Variants in TLE2 observed in about 807,000 individuals in gnomAD.
TLE2 encodes TLE family member 2, transcriptional corepressor.
TLE2 carries 74 observed loss-of-function variants against 97.2 expected under a neutral mutation model. The ratio of observed to expected loss-of-function variants is 0.76; its 90% CI spans 0.63 to 0.92. The LOEUF (loss-of-function observed/expected upper bound fraction) is 0.92. Among genes scored for constraint, TLE2 ranks in the 40% least tolerant of loss-of-function variants. The pLI, the probability that TLE2 is intolerant of heterozygous loss-of-function variation, is 0.00. For synonymous variants in TLE2, 499 were observed against 432.1 expected (o/e 1.15, Z -1.92); for missense variants, 1,038 against 1,008.7 (o/e 1.03, Z -0.39).
rs539018650 is a variant in TLE2, at chr19:3,019,681, G to A, written c.369+18C>T. The stretch of plus-strand genomic sequence containing the variant: ...GTGGGCGTCTCCCCATGGCGGGGCA[G>A]GGGCTAGAGAGACTCACCCCGATGA... On this transcript the variant is annotated intron_variant, in intron 6 of 19. Coordinates refer to ENST00000262953, the MANE Select transcript of TLE2 (RefSeq NM_003260.5). This position sits in a 1 kb window ranked among gnomAD's most constrained non-coding sequence, Gnocchi z 5.1. 1.2e-6 allele frequency: 2 copies of A among 1,602,416 alleles called. No individual in the cohort carries two copies. Among genetic ancestry groups the A allele is most frequent in the African/African-American group, 2.7e-5 (2 of 74,718 alleles).
rs756126846 is a variant in TLE2, at chr19:3,013,837, C to T, written c.724-19G>A. ...GTTGGTCCTGGGTTTGAGGAGGTGA[C>T]GTTGAGCAGAGTTGAAATGAGAGGG... On this transcript the variant is annotated intron_variant, in intron 10 of 19. Coordinates refer to ENST00000262953, the MANE Select transcript of TLE2 (RefSeq NM_003260.5). 1.3e-5 allele frequency: 20 copies of T among 1,502,606 alleles called. No homozygotes were observed. The highest frequency in any genetic ancestry group is 4.4e-5 in the African/African-American group (3 of 68,920). 93.1% of individuals were successfully genotyped at this position (1,502,606 alleles called of 1,614,324 possible). A position where few individuals can be genotyped will look rare whatever the true frequency, so the allele number is the denominator to read the frequency against.
chr19:3,018,897 C>A (rs111708926), intron 7 of TLE2, among the ~76,000 whole-genome samples: 1 of 152,116 alleles, frequency 6.6e-6, no homozygotes, highest in Non-Finnish European at 1.5e-5. Flanking sequence ...GGATTACAGG[C>A]ATAAGCCACC....
intron 2 of TLE2, 39 bp from the exon 3 acceptor site, chr19:3,028,421 C>G: frequency 6.4e-7 from 1 of 1,556,148 alleles, no homozygotes; most frequent in Non-Finnish European, 8.7e-7. Flanking sequence ...CCCACCCGCC[C>G]CATGTGGGCC....
intron 1 of TLE2, among the ~76,000 whole-genome samples, chr19:3,042,601 A>AG (rs1376967957): frequency 6.7e-6 from 1 of 148,680 alleles, no homozygotes; most frequent in Non-Finnish European, 1.5e-5. Flanking sequence ...AGAAAGAGGG[A>AG]GACGAGACCA....
chr19:3,028,713 A>G lies in TLE2; in HGVS notation c.115T>C (p.Tyr39His). 3 of 1,612,410 alleles carry G rather than the reference A, an allele frequency of 1.9e-6. No individual in the cohort carries two copies. The highest frequency in any genetic ancestry group is 2.5e-6 in the Non-Finnish European group (3 of 1,179,612). Residue 39 changes from tyrosine to histidine, a missense_variant, in exon 2 of 20, where the codon TAC (tyrosine) becomes CAC (histidine). Tyr to His is a moderately conservative substitution (Grantham distance 83). Transcript: ENST00000262953. ...TGGGGCGGCCCCCCTCACCTGTGGT[A>G]TTGAGCCTGAAGAAACTGGAATTCT... ...KEEFQFLQAQ[Y>H]HSLKLECEKL...
At chr19:3,029,320 G>T (rs1205543230), upstream of TLE2, 2 of 178,064 alleles carry the variant, frequency 1.1e-5, no homozygotes, top group Non-Finnish European at 2.0e-5. Context: ...TGGCGCCGCC[G>T]CCCCCACGCG....
chr19:3,021,606 G>A lies in TLE2; in HGVS notation c.295-1833C>T, dbSNP rs532081077. Among the ~76,000 whole-genome samples, 30 of 151,810 alleles carry A rather than the reference G, an allele frequency of 2.0e-4. 1 individual carries two copies. In the East Asian group the frequency reaches 4.1e-3, roughly 21 times the overall value. On this transcript the variant is annotated intron_variant, in intron 5 of 19. Transcript: ENST00000262953. ...ATTTTTATTTTTACTTTTTTGAGAC[G>A]TAGTCTCACTCTGTTGCCCAGGCTG...
At position 3,029,124 on chromosome 19, in the gene TLE2, G is replaced by C; in HGVS notation, c.-220C>G. The C allele has an allele frequency of 1.8e-6, 2 of 1,119,166 alleles. No individual in the cohort carries two copies. The highest frequency in any genetic ancestry group is 1.1e-6 in the Non-Finnish European group (1 of 915,238). The allele number at this position is 1,119,166 out of a possible 1,614,324, so 69.3% of individuals were successfully genotyped here. On this transcript the variant is annotated 5_prime_UTR_variant, in exon 1 of 20. Transcript: ENST00000262953. ...CTCCCCGGGTTGGGGTGCGCGGGGC[G>C]AGCGGGGCGGGCAGGGGCAGCGGCC...
chr19:2,998,368 C>G (rs2089272789), intron 19 of TLE2, among the ~76,000 whole-genome samples: 1 of 151,584 alleles, frequency 6.6e-6, no homozygotes, highest in African/African-American at 2.4e-5. Context: ...ACCTCCGCCT[C>G]CCAGGTTCAG....
intron 1 of TLE2, among the ~76,000 whole-genome samples, chr19:3,041,927 G>C (rs895077349): frequency 1.3e-5 from 1 of 78,394 alleles, no homozygotes; most frequent in Non-Finnish European, 2.8e-5. Flanking sequence ...CTTTGCGGGG[G>C]GCCCCGAGTC....
chr19:3,009,419 C>G lies in TLE2; in HGVS notation c.1173+123G>C. The G allele has an allele frequency of 2.4e-6, 3 of 1,227,704 alleles. No individual in the cohort carries two copies. In the South Asian group the frequency reaches 5.6e-5, roughly 23 times the overall value. The allele number at this position is 1,227,704 out of a possible 1,614,324, so 76.1% of individuals were successfully genotyped here. A position where few individuals can be genotyped will look rare whatever the true frequency, so the allele number is the denominator to read the frequency against. The stretch of plus-strand genomic sequence containing the variant: ...CAGATTGTCTTCCCATGCATACTTG[C>G]TGAGCCAGGGCTCCCTTCCCTTTCT... On this transcript the variant is annotated intron_variant, in intron 13 of 19. Coordinates refer to ENST00000262953, the MANE Select transcript of TLE2 (RefSeq NM_003260.5).
At position 3,019,507 on chromosome 19, in the gene TLE2, G is replaced by A. The variant is rs573550886; in HGVS notation, c.370-44C>T. 8.1e-6 allele frequency: 12 copies of A among 1,482,918 alleles called. No homozygotes were observed. The East Asian group carries it at 2.0e-4, about 24-fold the overall frequency. The allele number at this position is 1,482,918 out of a possible 1,614,324, so 91.9% of individuals were successfully genotyped here. On this transcript the variant is annotated intron_variant, in intron 6 of 19. Coordinates refer to ENST00000262953, the MANE Select transcript of TLE2 (RefSeq NM_003260.5). This position sits in a 1 kb window ranked among gnomAD's most constrained non-coding sequence, Gnocchi z 5.1. ...GATGGGCCGGGGCGGGGGGCGGCAG[G>A]AGCCCAGCGGTCCCCAGCCCAAGAG... is the stretch of plus-strand genomic sequence containing the variant.
chr19:3,033,840 AC>A (rs949219619), upstream of TLE2, among the ~76,000 whole-genome samples: 6 of 148,692 alleles, frequency 4.0e-5, no homozygotes, highest in African/African-American at 1.2e-4. Context: ...CCCAACCCCC[AC>A]CCCCCATCTC....
At chr19:3,011,279 GCA>G in intron 11 of TLE2, 119 bp from the exon 12 acceptor site, 1 of 1,175,922 alleles carries the variant, frequency 8.5e-7, no homozygotes, top group Non-Finnish European at 1.2e-6. Flanking sequence ...TGTAATCCCA[GCA>G]CTTTGGGAGG....
chr19:3,003,761 GTGGTGCAATCATGACCCAC>G (rs1164110439), intron 17 of TLE2, among the ~76,000 whole-genome samples: 10 of 152,150 alleles, frequency 6.6e-5, no homozygotes, highest in Admixed American at 6.5e-4. Flanking sequence ...CTGGAGTGCA[GTGGTGCAATCATGACCCAC>G]TGCAGCCTCA....
chr19:3,036,259 A>G (rs2145226482), intron 1 of TLE2, among the ~76,000 whole-genome samples: 1 of 152,244 alleles, frequency 6.6e-6, no homozygotes, highest in South Asian at 2.1e-4. Flanking sequence ...TTTCAGAAAA[A>G]GACTACGATT....
intron 11 of TLE2, among the ~76,000 whole-genome samples, chr19:3,011,935 G>C (rs2089606593): frequency 6.7e-6 from 1 of 150,004 alleles, no homozygotes; most frequent in Non-Finnish European, 1.5e-5. Context: ...TTTTAATACA[G>C]GGTCTTGCTC....
chr19:3,017,092 G>T (rs2089724023), intron 8 of TLE2, among the ~76,000 whole-genome samples: 2 of 128,496 alleles, frequency 1.6e-5, no homozygotes, highest in South Asian at 4.4e-4. Flanking sequence ...ACACAGAAAG[G>T]CTTCAGGAAA....
At chr19:3,016,490 T>A (rs1599222840) in intron 8 of TLE2, among the ~76,000 whole-genome samples, 3 of 144,574 alleles carry the variant, frequency 2.1e-5, no homozygotes, top group South Asian at 4.4e-4. Flanking sequence ...CTTGGGAGAC[T>A]GAGGCAGGAG....
Sources: allele counts gnomAD v4.1 joint callset (sites outside exome capture counted in the v4.1 genomes callset), GRCh38; gene constraint gnomAD v4.1.1; non-coding constraint Gnocchi (gnomAD v3.1); transcripts MANE v1.5; gene names NCBI Gene and HGNC (gene_info 2026-07-23, HGNC 2026-07-21).